The following PDS5A variants were observed in gnomAD, a reference collection of about 807,000 sequenced individuals.
The protein encoded by PDS5A is PDS5 cohesin associated factor A, also known as sister chromatid cohesion protein PDS5 homolog A.
Under a neutral mutation model 167.1 loss-of-function variants are expected in PDS5A, and 42 were observed. That is an observed-to-expected ratio of 0.25 (90% CI 0.20 to 0.33). PDS5A has a LOEUF of 0.33. Among genes scored for constraint, PDS5A ranks in the 10% least tolerant of loss-of-function variants. PDS5A has a pLI of 1.00. For missense variants in PDS5A, 1,033 were observed against 1,605.9 expected, an observed-to-expected ratio of 0.64 and a Z score of 6.10; for synonymous variants, 553 against 554.6, an observed-to-expected ratio of 1.00 and a Z score of 0.04.
intron 32 of PDS5A, among the ~76,000 whole-genome samples, chr4:39,835,937 G>A (rs1578571885): frequency 6.6e-6 from 1 of 152,306 alleles, no homozygotes; most frequent in East Asian, 1.9e-4. Context: ...GTGTGTAGGT[G>A]AAGAATAGGA....
At chr4:39,841,438 C>CA (rs1717005555) in intron 31 of PDS5A, among the ~76,000 whole-genome samples, 2 of 152,068 alleles carry the variant, frequency 1.3e-5, no homozygotes, top group South Asian at 4.2e-4. Context: ...CACCAGGCCT[C>CA]AATTCCTATT....
At chr4:39,935,059 T>C (rs1200591573) in intron 2 of PDS5A, among the ~76,000 whole-genome samples, 1 of 152,184 alleles carries the variant, frequency 6.6e-6, no homozygotes, top group Non-Finnish European at 1.5e-5. Flanking sequence ...GGTTTGTGCT[T>C]TGTGTGTCCT....
intron 2 of PDS5A, among the ~76,000 whole-genome samples, chr4:39,975,698 T>G (rs1455695109): frequency 6.6e-6 from 1 of 152,094 alleles, no homozygotes. Flanking sequence ...TTGCCAAACA[T>G]CTCCTGGAGG....
chr4:39,863,467 C>T lies in PDS5A; in HGVS notation c.2643-8G>A. ...CGAGACATATCAGATTTACTATAAA[C>T]AAACAAAAAAGAAATAAACATTTCC... On this transcript the variant is annotated splice_region_variant and splice_polypyrimidine_tract_variant and intron_variant, in intron 23 of 32. Coordinates refer to ENST00000303538, the MANE Select transcript of PDS5A (RefSeq NM_001100399.2). 6.3e-7 allele frequency: 1 copy of T among 1,575,172 alleles called. No individual in the cohort carries two copies. The highest frequency in any genetic ancestry group is 8.6e-7 in the Non-Finnish European group (1 of 1,163,236).
At chr4:39,908,311 T>A (rs1283165664) in intron 11 of PDS5A, 84 bp downstream of exon 11, 1 of 1,028,248 alleles carries the variant, frequency 9.7e-7, no homozygotes, top group African/African-American at 1.6e-5. Flanking sequence ...CAGAAAGACA[T>A]TAAATGTAAC....
intron 2 of PDS5A, among the ~76,000 whole-genome samples, chr4:39,961,230 C>T (rs1026003709): frequency 6.6e-6 from 1 of 152,246 alleles, no homozygotes; most frequent in East Asian, 1.9e-4. Context: ...GTAAAAACTC[C>T]ACTCACTCCA....
At chr4:39,912,201 A>C (rs534831503) in intron 9 of PDS5A, among the ~76,000 whole-genome samples, 4 of 152,248 alleles carry the variant, frequency 2.6e-5, no homozygotes, top group Admixed American at 6.5e-5. Context: ...GGAAAATAAT[A>C]CTGCAGACTG....
intron 2 of PDS5A, among the ~76,000 whole-genome samples, chr4:39,951,993 A>G (rs1185498493): frequency 6.6e-6 from 1 of 152,012 alleles, no homozygotes. Context: ...TAGTTTTAAC[A>G]AAAAAGATCA....
rs532738160 is a variant in PDS5A, at chr4:39,899,851, TAAAAAAAA to T, written c.1581+567_1581+574del. ...GGCAACAGAGTAAGATCCTGTGTAT[TAAAAAAAA>T]AAAAAAAAAAAAAAAAAAAAGTTTG... On this transcript the variant is annotated intron_variant, in intron 14 of 32. Transcript: ENST00000303538. 5.1e-3 allele frequency among the ~76,000 whole-genome samples: 523 copies of T among 102,422 alleles called. 4 individuals carry two copies. The highest frequency in any genetic ancestry group is 0.023 in the African/African-American group (504 of 21,574). The allele number at this position is 102,422 out of a possible 152,430, so 67.2% of individuals were successfully genotyped here.
At chr4:39,870,689 C>G (rs1445435987) in intron 21 of PDS5A, among the ~76,000 whole-genome samples, 1 of 151,994 alleles carries the variant, frequency 6.6e-6, no homozygotes, top group Non-Finnish European at 1.5e-5. Flanking sequence ...AATAAGCACA[C>G]AAAAAATATC....
chr4:39,975,671 C>T (rs1458530855), intron 2 of PDS5A, among the ~76,000 whole-genome samples: 2 of 152,162 alleles, frequency 1.3e-5, no homozygotes, highest in African/African-American at 4.8e-5. Context: ...ATTGTGACAA[C>T]CAAAATGTCT....
At chr4:39,975,152 G>A (rs1338496392) in intron 2 of PDS5A, among the ~76,000 whole-genome samples, 2 of 150,314 alleles carry the variant, frequency 1.3e-5, no homozygotes, top group South Asian at 2.1e-4. Flanking sequence ...GGTGGCACAC[G>A]CTGGTAGTCC....
At chr4:39,973,264 T>C in intron 2 of PDS5A, 1 of 1,585,502 alleles carries the variant, frequency 6.3e-7, no homozygotes, top group East Asian at 2.2e-5. Flanking sequence ...GAACATTTGC[T>C]TTTGCTCTTG....
At chr4:39,838,577 G>T (rs896809566) in intron 31 of PDS5A, among the ~76,000 whole-genome samples, 1 of 152,154 alleles carries the variant, frequency 6.6e-6, no homozygotes, top group Non-Finnish European at 1.5e-5. Context: ...TAAAAAATTA[G>T]CCGGGCATGG....
At chr4:39,964,340 A>G (rs1729776392) in intron 2 of PDS5A, among the ~76,000 whole-genome samples, 1 of 152,212 alleles carries the variant, frequency 6.6e-6, no homozygotes, top group Non-Finnish European at 1.5e-5. Flanking sequence ...CTGGCTGATT[A>G]AATTATGTAA....
intron 5 of PDS5A, among the ~76,000 whole-genome samples, chr4:39,925,407 T>C (rs1362945892): frequency 3.9e-5 from 6 of 152,202 alleles, no homozygotes; most frequent in African/African-American, 9.7e-5. Context: ...GACTGAGCTA[T>C]TACGTCTCCC....
chr4:39,881,911 T>C (rs1219800593), intron 17 of PDS5A, among the ~76,000 whole-genome samples: 1 of 152,196 alleles, frequency 6.6e-6, no homozygotes, highest in Non-Finnish European at 1.5e-5. Context: ...ATATTGTTCT[T>C]GTGGTACTGA....
chr4:39,881,094 T>C (rs1159388089), intron 17 of PDS5A, among the ~76,000 whole-genome samples: 1 of 152,116 alleles, frequency 6.6e-6, no homozygotes, highest in Non-Finnish European at 1.5e-5. Context: ...CTTAACATAA[T>C]GTCCTCCAAT....
In PDS5A at chr4:39,842,045, G is replaced by A. The variant is rs1331605389; in HGVS notation, c.3560C>T (p.Ser1187Leu). 2 of 1,599,018 alleles carry A rather than the reference G, an allele frequency of 1.3e-6. No homozygotes were observed. Among genetic ancestry groups the A allele is most frequent in the East Asian group, 2.2e-5 (1 of 44,792 alleles). Residue 1187 changes from serine (S) to leucine (L), a missense_variant, in exon 31 of 33, where the codon TCA becomes TTA. Physicochemically the swap from Ser to Leu is moderately radical, Grantham distance 145. Coordinates refer to ENST00000303538, the MANE Select transcript of PDS5A (RefSeq NM_001100399.2). ...STGNRSREQS[S>L]EAAETGVSEN... is the part of the protein sequence containing the mutation. ...ACTAACTCCAGTTTCTGCTGCCTCT[G>A]AACTCTGTTCCCTGTTTAAAACAAA...
Sources: gnomAD v4.1 joint callset for allele counts (sites outside exome capture counted in the v4.1 genomes callset) on GRCh38, gnomAD v4.1.1 for gene constraint, MANE v1.5 for transcripts, NCBI Gene and HGNC (gene_info 2026-07-23, HGNC 2026-07-21) for gene names.